KCNB2: variants seen among roughly 807,000 people sequenced by gnomAD.
The protein encoded by KCNB2 is delayed rectifier potassium channel protein.
Under a neutral mutation model 61.5 loss-of-function variants are expected in KCNB2, and 15 were observed. The observed-to-expected ratio is 0.24, with a 90% CI of 0.16 to 0.38. The LOEUF (loss-of-function observed/expected upper bound fraction) is 0.38, where lower values mean the gene tolerates loss of function less well. Among genes scored for constraint, KCNB2 ranks in the 10% least tolerant of loss-of-function variants. The probability of loss-of-function intolerance (pLI) is 1.00; values close to 1 mark genes in which losing one functional copy is unlikely to be tolerated. For synonymous variants in KCNB2, 457 were observed against 446.0 expected, an observed-to-expected ratio of 1.02 and a Z score of -0.31; for missense variants, 828 against 1,125.2, an observed-to-expected ratio of 0.74 and a Z score of 3.78.
chr8:72,826,511 C>G (rs1471609532), intron 2 of KCNB2, among the ~76,000 whole-genome samples: 1 of 152,112 alleles, frequency 6.6e-6, no homozygotes, highest in Non-Finnish European at 1.5e-5. Flanking sequence ...ACAGCTGTTC[C>G]CGTACCTCAC....
intron 2 of KCNB2, among the ~76,000 whole-genome samples, chr8:72,843,904 T>A (rs1809939993): frequency 6.6e-6 from 1 of 152,230 alleles, no homozygotes; most frequent in Admixed American, 6.5e-5. Context: ...TGCCAGTCTG[T>A]GTCTTTTAAC....
At chr8:72,635,130 G>T (rs889913141) in intron 2 of KCNB2, among the ~76,000 whole-genome samples, 1 of 152,164 alleles carries the variant, frequency 6.6e-6, no homozygotes, top group African/African-American at 2.4e-5. Flanking sequence ...GAAGCTTGGC[G>T]TGAAGGCTGG....
intron 2 of KCNB2, among the ~76,000 whole-genome samples, chr8:72,628,683 C>G (rs1168175964): frequency 6.6e-6 from 1 of 152,168 alleles, no homozygotes; most frequent in Non-Finnish European, 1.5e-5. Flanking sequence ...CATGGGAAAG[C>G]AGCTTCCAGC....
At chr8:72,756,972 T>C (rs902648096) in intron 2 of KCNB2, among the ~76,000 whole-genome samples, 1 of 152,168 alleles carries the variant, frequency 6.6e-6, no homozygotes, top group South Asian at 2.1e-4. Context: ...CAGGTGGCAT[T>C]GTCAGATGCT....
intron 1 of KCNB2, among the ~76,000 whole-genome samples, chr8:72,564,768 T>A (rs188276516): frequency 0.013 from 1,913 of 152,228 alleles, 30 homozygotes; most frequent in African/African-American, 0.043. Flanking sequence ...GGACCCACAA[T>A]CCCAGGCCTG....
intron 2 of KCNB2, among the ~76,000 whole-genome samples, chr8:72,615,907 G>C (rs1212564272): frequency 6.6e-6 from 1 of 152,198 alleles, no homozygotes; most frequent in Non-Finnish European, 1.5e-5. Context: ...GCTTTGATAA[G>C]TTTTGTAAGT....
intron 2 of KCNB2, among the ~76,000 whole-genome samples, chr8:72,775,446 A>G (rs1030783808): frequency 3.3e-4 from 50 of 152,324 alleles, no homozygotes; most frequent in African/African-American, 1.2e-3. Context: ...CCTTCAGAAT[A>G]GAGAACAGTT....
At chr8:72,621,561 G>A (rs1805713564) in intron 2 of KCNB2, among the ~76,000 whole-genome samples, 1 of 151,804 alleles carries the variant, frequency 6.6e-6, no homozygotes, top group South Asian at 2.1e-4. Context: ...TTTAATGTTC[G>A]TGGGTACATA....
intron 2 of KCNB2, among the ~76,000 whole-genome samples, chr8:72,679,583 T>A (rs1288802105): frequency 6.6e-6 from 1 of 152,252 alleles, no homozygotes; most frequent in African/African-American, 2.4e-5. Context: ...TTATGGAATT[T>A]TCCATTCTAC....
intron 2 of KCNB2, among the ~76,000 whole-genome samples, chr8:72,746,151 A>C (rs538721312): frequency 6.6e-6 from 1 of 152,260 alleles, no homozygotes; most frequent in South Asian, 2.1e-4. Context: ...AAAGTACTAC[A>C]GATTTTTGTT....
At chr8:72,732,831 G>A (rs1361870244) in intron 2 of KCNB2, among the ~76,000 whole-genome samples, 2 of 152,138 alleles carry the variant, frequency 1.3e-5, no homozygotes, top group African/African-American at 2.4e-5. Flanking sequence ...TGCTATGATG[G>A]TACTCCATGA....
intron 2 of KCNB2, among the ~76,000 whole-genome samples, chr8:72,610,310 G>A (rs1805518034): frequency 6.6e-6 from 1 of 152,152 alleles, no homozygotes; most frequent in Admixed American, 6.5e-5. Context: ...TCCAACTGAT[G>A]TGCTTAAAAA....
intron 2 of KCNB2, among the ~76,000 whole-genome samples, chr8:72,894,945 G>GTTTCC (rs950357522): frequency 1.2e-4 from 18 of 152,232 alleles, no homozygotes; most frequent in Admixed American, 2.6e-4. Flanking sequence ...TTTTCATGTT[G>GTTTCC]TTTCCCTAGA....
At chr8:72,837,737 G>A (rs747202715) in intron 2 of KCNB2, among the ~76,000 whole-genome samples, 1 of 152,036 alleles carries the variant, frequency 6.6e-6, no homozygotes, top group Non-Finnish European at 1.5e-5. Flanking sequence ...CAACCCCATA[G>A]CAATGAAACC....
At chr8:72,734,803 G>A (rs1482710656) in intron 2 of KCNB2, among the ~76,000 whole-genome samples, 3 of 152,124 alleles carry the variant, frequency 2.0e-5, no homozygotes, top group Non-Finnish European at 4.4e-5. Context: ...GAAGATTTTC[G>A]ACAGCTTCAG....
At chr8:72,807,355 A>C (rs908956879) in intron 2 of KCNB2, among the ~76,000 whole-genome samples, 2 of 152,210 alleles carry the variant, frequency 1.3e-5, no homozygotes, top group African/African-American at 4.8e-5. Context: ...TCTTGTGAGA[A>C]TCATATGAGA....
rs757555105 is a variant in KCNB2 at position 72,936,327 on chromosome 8, G to A, written c.972G>A (p.Leu324=). Residue 324 remains leucine (L), a synonymous_variant, in exon 3 of 3, where the codon CTG becomes CTA. Coordinates refer to ENST00000523207, the MANE Select transcript of KCNB2 (RefSeq NM_004770.3). The surrounding 1 kb of genome is among the most constrained non-coding windows in gnomAD (Gnocchi z 5.6). ...LARHSTGLQS[L]GFTLRRSYNE... ...GGCATTCGACAGGCCTGCAGTCTCTGGGTTTCACCCTTAGGCGGAGTTACA... is the reference window on the plus strand; with the variant it reads ...GGCATTCGACAGGCCTGCAGTCTCTAGGTTTCACCCTTAGGCGGAGTTACA... 6.2e-7 allele frequency: 1 copy of A among 1,614,124 alleles called. No individual in the cohort carries two copies. The highest frequency in any genetic ancestry group is 1.3e-5 in the African/African-American group (1 of 74,946).
intron 2 of KCNB2, among the ~76,000 whole-genome samples, chr8:72,570,992 T>C (rs1806699094): frequency 1.3e-5 from 2 of 152,236 alleles, no homozygotes; most frequent in Non-Finnish European, 1.5e-5. Flanking sequence ...TGGGATTTCA[T>C]ATTATTGAAA....
chr8:72,671,803 C>T (rs1000846802), intron 2 of KCNB2, among the ~76,000 whole-genome samples: 1 of 152,204 alleles, frequency 6.6e-6, no homozygotes, highest in Non-Finnish European at 1.5e-5. Flanking sequence ...TCTGTTTCCT[C>T]TCTTACTTCA....
Sources: allele counts gnomAD v4.1 joint callset (sites outside exome capture counted in the v4.1 genomes callset), GRCh38; gene constraint gnomAD v4.1.1; non-coding constraint Gnocchi (gnomAD v3.1); transcripts MANE v1.5; gene names NCBI Gene and HGNC (gene_info 2026-07-23, HGNC 2026-07-21).